The following PCDH15 variants were observed in gnomAD, a reference collection of about 807,000 sequenced individuals.
PCDH15 encodes the protein protocadherin related 15, also known as protocadherin-15.
Under a neutral mutation model 178.5 loss-of-function variants are expected in PCDH15, and 129 were observed. The observed-to-expected ratio is 0.72, with a 90% CI of 0.63 to 0.84. PCDH15 has a LOEUF of 0.84. PCDH15 is among the 40% of genes least tolerant of loss of function. PCDH15 has a pLI of 0.00. For synonymous variants in PCDH15, 800 were observed against 732.0 expected, an observed-to-expected ratio of 1.09 and a Z score of -1.50; for missense variants, 2,230 against 2,099.9, an observed-to-expected ratio of 1.06 and a Z score of -1.21.
chr10:55,406,941 T>G (rs1157188968), intron 2 of PCDH15, among the ~76,000 whole-genome samples: 2 of 152,160 alleles, frequency 1.3e-5, no homozygotes, highest in Non-Finnish European at 2.9e-5. Flanking sequence ...AAAGTAATTC[T>G]TTTTTTAAAA....
intron 1 of PCDH15, among the ~76,000 whole-genome samples, chr10:55,229,338 A>C (rs1841146673): frequency 6.6e-6 from 1 of 152,002 alleles, no homozygotes; most frequent in Non-Finnish European, 1.5e-5. Flanking sequence ...AAATTATAAT[A>C]AAATAGAGGT....
chr10:55,396,941 T>C (rs546029561), intron 2 of PCDH15, among the ~76,000 whole-genome samples: 3 of 152,258 alleles, frequency 2.0e-5, no homozygotes, highest in African/African-American at 7.2e-5. Flanking sequence ...ACTGAATCCA[T>C]ATAGAGGCAG....
At chr10:54,444,660 C>T (rs2076037900) in intron 3 of PCDH15, among the ~76,000 whole-genome samples, 2 of 151,680 alleles carry the variant, frequency 1.3e-5, no homozygotes, top group South Asian at 4.1e-4. Context: ...CATATCATTA[C>T]ACATTTATCC....
chr10:54,236,965 G>T (rs777041728), intron 8 of PCDH15, 34 bp from the exon 9 acceptor site: 4 of 1,489,944 alleles, frequency 2.7e-6, no homozygotes, highest in African/African-American at 2.8e-5. Context: ...TCATTCAGCC[G>T]CATTACTAAT....
chr10:54,272,418 T>C (rs982817196), intron 8 of PCDH15, among the ~76,000 whole-genome samples: 3 of 152,098 alleles, frequency 2.0e-5, no homozygotes, highest in African/African-American at 7.2e-5. Context: ...AAATTAATAT[T>C]CTGGCAATTG....
intron 23 of PCDH15, among the ~76,000 whole-genome samples, chr10:53,954,086 G>T (rs746889573): frequency 6.6e-6 from 1 of 152,126 alleles, no homozygotes; most frequent in Non-Finnish European, 1.5e-5. Flanking sequence ...AACTGCGCCC[G>T]GCTGTAAAGA....
intron 16 of PCDH15, among the ~76,000 whole-genome samples, chr10:54,089,091 G>T (rs10825228): frequency 6.6e-6 from 1 of 151,972 alleles, no homozygotes; most frequent in Non-Finnish European, 1.5e-5. Context: ...TAGTTTCCCA[G>T]GCATTACTAA....
At chr10:54,959,991 T>C (rs962703442) in intron 2 of PCDH15, among the ~76,000 whole-genome samples, 3 of 152,116 alleles carry the variant, frequency 2.0e-5, no homozygotes, top group South Asian at 2.1e-4. Flanking sequence ...GTAGTAGTAA[T>C]AGCCTTTTGG....
intron 8 of PCDH15, among the ~76,000 whole-genome samples, chr10:54,275,361 GCAGAAACTGAAGCA>G (rs534598028): frequency 8.4e-4 from 127 of 151,890 alleles, no homozygotes; most frequent in Admixed American, 1.9e-3. Flanking sequence ...TTTAATAGAT[GCAGAAACTGAAGCA>G]CAGAGAGCAC....
At chr10:55,621,534 T>A (rs1251928458) in intron 2 of PCDH15, among the ~76,000 whole-genome samples, 14 of 152,124 alleles carry the variant, frequency 9.2e-5, no homozygotes, top group Non-Finnish European at 1.9e-4. Flanking sequence ...CCACCTCCTG[T>A]CAGAACTCAG....
At chr10:54,776,788 T>C (rs1194265558) in intron 1 of PCDH15, among the ~76,000 whole-genome samples, 1 of 152,142 alleles carries the variant, frequency 6.6e-6, no homozygotes, top group East Asian at 1.9e-4. Context: ...TTCATATGTC[T>C]CTTGCTGATG....
intron 2 of PCDH15, among the ~76,000 whole-genome samples, chr10:55,482,052 T>C (rs1044500020): frequency 6.6e-6 from 1 of 151,936 alleles, no homozygotes; most frequent in Admixed American, 6.6e-5. Context: ...GTAAATCTTC[T>C]TGGTGAATCT....
At chr10:54,825,948 T>C (rs1386741260) in intron 3 of PCDH15, among the ~76,000 whole-genome samples, 2 of 152,082 alleles carry the variant, frequency 1.3e-5, no homozygotes, top group African/African-American at 4.8e-5. Flanking sequence ...CCTCTAATAC[T>C]GAGTGATTCC....
At chr10:54,342,522 G>A (rs1052237340) in intron 6 of PCDH15, among the ~76,000 whole-genome samples, 2 of 152,162 alleles carry the variant, frequency 1.3e-5, no homozygotes, top group African/African-American at 4.8e-5. Context: ...TGCAGGGGTG[G>A]AGCCCTCATG....
intron 6 of PCDH15, among the ~76,000 whole-genome samples, chr10:54,330,197 T>C (rs1939171133): frequency 6.6e-6 from 1 of 151,800 alleles, no homozygotes; most frequent in African/African-American, 2.4e-5. Context: ...TACGAGTCAC[T>C]TAGTGATGAG....
intron 1 of PCDH15, among the ~76,000 whole-genome samples, chr10:55,272,920 T>G (rs1420278342): frequency 6.6e-6 from 1 of 152,094 alleles, no homozygotes; most frequent in African/African-American, 2.4e-5. Flanking sequence ...CGAACATATC[T>G]TTACTGTGTA....
intron 2 of PCDH15, among the ~76,000 whole-genome samples, chr10:54,956,054 T>A (rs1432746328): frequency 6.6e-6 from 1 of 151,384 alleles, no homozygotes; most frequent in South Asian, 2.1e-4. Flanking sequence ...TCAGAAAATA[T>A]TATGGATGAA....
chr10:53,852,462 C>G (rs1200948468), intron 28 of PCDH15, among the ~76,000 whole-genome samples: 1 of 151,744 alleles, frequency 6.6e-6, no homozygotes, highest in Non-Finnish European at 1.5e-5. Flanking sequence ...GGGAATTGGT[C>G]AATTTTATAA....
In PCDH15 at chr10:54,423,508, G is replaced by A. The variant is rs1328853798; in HGVS notation, c.158-44566C>T. 2.4e-4 allele frequency among the ~76,000 whole-genome samples: 37 copies of A among 151,804 alleles called. 1 individual carries two copies. The highest frequency in any genetic ancestry group is 2.4e-3 in the Admixed American group (37 of 15,242). On this transcript the variant is annotated intron_variant, in intron 3 of 37. Coordinates refer to ENST00000644397, the MANE Select transcript of PCDH15 (RefSeq NM_001384140.1). ...TGGAGTGGGTGGGTAGGGAATCACAGTAAGGAGATGGATCATTCACAATTT... is the reference window on the plus strand; with the variant it reads ...TGGAGTGGGTGGGTAGGGAATCACAATAAGGAGATGGATCATTCACAATTT...
Sources: allele counts gnomAD v4.1 joint callset (sites outside exome capture counted in the v4.1 genomes callset), GRCh38; gene constraint gnomAD v4.1.1; transcripts MANE v1.5; gene names NCBI Gene and HGNC (gene_info 2026-07-23, HGNC 2026-07-21).